Variants in ERC1 observed in about 807,000 individuals in gnomAD.
The protein encoded by ERC1 is RAB6 interacting protein 2.
A neutral mutation model predicts 132.0 loss-of-function variants in ERC1; 56 were observed. The ratio of observed to expected loss-of-function variants is 0.42; its 90% CI spans 0.34 to 0.53. The LOEUF is 0.53. Among genes scored for constraint, ERC1 ranks in the 20% least tolerant of loss-of-function variants. The pLI is 0.03. For synonymous variants in ERC1, 478 were observed against 476.1 expected (o/e 1.00, Z -0.05); for missense variants, 1,202 against 1,349.9 (o/e 0.89, Z 1.72).
At position 1,408,374 on chromosome 12, in the gene ERC1, C is replaced by T. The variant is rs2091640093; in HGVS notation, c.3024+127C>T. ...ATAAAAATAAATAGCTAATTCAGTT[C>T]TGAAAACTCTACTCTTTTCAAAAAA... On this transcript the variant is annotated intron_variant, in intron 17 of 18. Coordinates refer to ENST00000360905, the MANE Select transcript of ERC1 (RefSeq NM_178040.4). The T allele has an allele frequency of 2.2e-5, 13 of 595,722 alleles. No homozygotes were observed. The Admixed American group carries it at 4.0e-4, about 18-fold the overall frequency. The allele number at this position is 595,722 out of a possible 1,614,324, so 36.9% of individuals were successfully genotyped here. A position where few individuals can be genotyped will look rare whatever the true frequency, so the allele number is the denominator to read the frequency against.
At chr12:1,050,953 C>G (rs574264121) in intron 2 of ERC1, among the ~76,000 whole-genome samples, 1 of 151,730 alleles carries the variant, frequency 6.6e-6, no homozygotes, top group Non-Finnish European at 1.5e-5. Context: ...TGCAGTGAGC[C>G]GAGATTGTGC....
In ERC1 at chr12:1,038,052, A is replaced by G. The variant is rs576812512; in HGVS notation, c.669+9480A>G. On this transcript the variant is annotated intron_variant, in intron 2 of 18. Transcript: ENST00000360905. ...AGAGCAAGACTCCGTCTCAAAAAAA[A>G]AAAAAGAAAAAGAAAAAAACTATTT... Among the ~76,000 whole-genome samples, 7 of 152,148 alleles carry G rather than the reference A, an allele frequency of 4.6e-5. No homozygotes were observed. In the East Asian group the frequency reaches 1.4e-3, roughly 29 times the overall value.
chr12:1,216,615 T>TG (rs1265115026), intron 12 of ERC1, among the ~76,000 whole-genome samples: 4 of 5,090 alleles, frequency 7.9e-4, no homozygotes, highest in Admixed American at 2.1e-3. Context: ...GGAGGAGGGA[T>TG]GGGGGGTGGG....
At chr12:1,005,275 C>A (rs943300989) in intron 1 of ERC1, among the ~76,000 whole-genome samples, 5 of 152,004 alleles carry the variant, frequency 3.3e-5, no homozygotes, top group African/African-American at 1.2e-4. Flanking sequence ...CATCAGCCTT[C>A]GAGTAGCTGG....
intron 16 of ERC1, among the ~76,000 whole-genome samples, chr12:1,407,725 A>G (rs1273927748): frequency 6.6e-6 from 1 of 152,224 alleles, no homozygotes; most frequent in Non-Finnish European, 1.5e-5. Flanking sequence ...TGTTTGATTC[A>G]GTTCCTAGTG....
At chr12:1,216,258 TTAAC>T (rs1226596798) in intron 12 of ERC1, among the ~76,000 whole-genome samples, 8 of 152,198 alleles carry the variant, frequency 5.3e-5, no homozygotes, top group East Asian at 1.9e-4. Context: ...TTATTTTATT[TTAAC>T]TAACATTTAT....
intron 18 of ERC1, among the ~76,000 whole-genome samples, chr12:1,480,008 G>A (rs907117098): frequency 6.6e-6 from 1 of 151,940 alleles, no homozygotes; most frequent in Admixed American, 6.6e-5. Context: ...TTTCTCTACC[G>A]AAGGTGTATA....
chr12:1,351,742 ACATGCAGTGTATCATAAGGCC>A (rs1477186068), intron 15 of ERC1, among the ~76,000 whole-genome samples: 5 of 152,112 alleles, frequency 3.3e-5, no homozygotes. Context: ...ATGTTTTAAT[ACATGCAGTGTATCATAAGGCC>A]CATTTTTTAA....
intron 15 of ERC1, among the ~76,000 whole-genome samples, chr12:1,333,343 T>C (rs990754182): frequency 6.7e-6 from 1 of 148,622 alleles, no homozygotes; most frequent in African/African-American, 2.5e-5. Context: ...TTTTTTTTTT[T>C]TTTTTTTTGA....
chr12:1,386,339 A>AC (rs1462815276), intron 16 of ERC1, among the ~76,000 whole-genome samples: 1 of 151,192 alleles, frequency 6.6e-6, no homozygotes, highest in Admixed American at 6.6e-5. Flanking sequence ...GCCCGGTCAC[A>AC]AAAAAAATTT....
chr12:1,328,600 C>T (rs2082630527), intron 15 of ERC1, among the ~76,000 whole-genome samples: 1 of 151,992 alleles, frequency 6.6e-6, no homozygotes, highest in African/African-American at 2.4e-5. Context: ...CCCATGTGAC[C>T]TCACGTTTCT....
At chr12:1,226,472 G>C (rs74834113) in intron 12 of ERC1, among the ~76,000 whole-genome samples, 2 of 152,030 alleles carry the variant, frequency 1.3e-5, no homozygotes, top group Non-Finnish European at 2.9e-5. Flanking sequence ...CAAGTGCGCC[G>C]AACAGTATTA....
At chr12:1,334,493 C>G (rs1014581861) in intron 15 of ERC1, among the ~76,000 whole-genome samples, 10 of 151,876 alleles carry the variant, frequency 6.6e-5, no homozygotes, top group African/African-American at 2.2e-4. Context: ...ATAGGGAGTC[C>G]TTTCCTTCAT....
At chr12:1,389,408 T>C (rs56057921) in intron 16 of ERC1, among the ~76,000 whole-genome samples, 44,332 of 152,102 alleles carry the variant, frequency 0.29, 6,692 homozygotes, top group Middle Eastern at 0.35. Context: ...TACTTTTTAC[T>C]GTTTTCTGAC....
intron 15 of ERC1, among the ~76,000 whole-genome samples, chr12:1,337,290 C>A (rs1234714680): frequency 6.6e-6 from 1 of 151,506 alleles, no homozygotes; most frequent in Non-Finnish European, 1.5e-5. Context: ...GAACCCCTTA[C>A]TATTTAGTAA....
intron 12 of ERC1, among the ~76,000 whole-genome samples, chr12:1,197,044 G>A (rs1436063896): frequency 7.2e-6 from 1 of 138,600 alleles, no homozygotes; most frequent in Non-Finnish European, 1.5e-5. Flanking sequence ...GCAATGGTAT[G>A]ATCTCAGCTC....
chr12:1,371,097 A>G (rs1160546608), intron 15 of ERC1, among the ~76,000 whole-genome samples: 1 of 152,240 alleles, frequency 6.6e-6, no homozygotes, highest in Middle Eastern at 3.2e-3. Flanking sequence ...ACAATGTAGT[A>G]TCATTAATTG....
At chr12:1,435,311 G>T (rs1179184284) in intron 17 of ERC1, among the ~76,000 whole-genome samples, 2 of 152,152 alleles carry the variant, frequency 1.3e-5, no homozygotes, top group Non-Finnish European at 2.9e-5. Context: ...CCGTGGGCAG[G>T]TCAGAAGGAG....
chr12:1,236,725 A>G lies in ERC1; in HGVS notation c.2352-44A>G, dbSNP rs1304290408. The G allele has an allele frequency of 3.2e-6, 5 of 1,586,340 alleles. No homozygotes were observed. The South Asian group carries it at 5.7e-5, about 18-fold the overall frequency. ...TCTCTAGATAAACATATTTGTTTCTATACATACATATGCAAAGCTTGATTT... is the reference window on the plus strand; with the variant it reads ...TCTCTAGATAAACATATTTGTTTCTGTACATACATATGCAAAGCTTGATTT... On this transcript the variant is annotated intron_variant, in intron 12 of 18. Coordinates refer to ENST00000360905, the MANE Select transcript of ERC1 (RefSeq NM_178040.4).
Sources: allele counts gnomAD v4.1 joint callset (sites outside exome capture counted in the v4.1 genomes callset), GRCh38; gene constraint gnomAD v4.1.1; transcripts MANE v1.5; gene names NCBI Gene and HGNC (gene_info 2026-07-23, HGNC 2026-07-21).